The following CEP63 variants were observed in gnomAD, a reference collection of about 807,000 sequenced individuals.
The protein encoded by CEP63 is centrosomal protein 63.
Under a neutral mutation model 89.1 loss-of-function variants are expected in CEP63, and 84 were observed. The ratio of observed to expected loss-of-function variants is 0.94; its 90% CI spans 0.79 to 1.13. The LOEUF is 1.13. CEP63 is among the 50% of genes most tolerant of loss of function. CEP63 has a pLI of 0.00. For missense variants in CEP63, 838 were observed against 813.3 expected (o/e 1.03, Z -0.37); for synonymous variants, 267 against 272.5 (o/e 0.98, Z 0.20).
At chr3:134,536,003 T>A (rs553093728) in intron 5 of CEP63, 7 of 152,356 alleles carry the variant, frequency 4.6e-5, no homozygotes, top group African/African-American at 1.4e-4. Context: ...GCCACACCAA[T>A]TTCCTTTCTC....
chr3:134,671,446 A>G, the CEP63 span, among the ~76,000 whole-genome samples: 1 of 152,238 alleles, frequency 6.6e-6, no homozygotes, highest in Non-Finnish European at 1.5e-5. Flanking sequence ...ACTGCAATAT[A>G]CCCATGTAAC....
chr3:134,672,590 CT>C, the CEP63 span, among the ~76,000 whole-genome samples: 1,956 of 152,348 alleles, frequency 0.013, 42 homozygotes, highest in African/African-American at 0.044. Context: ...CAAAAGGCAG[CT>C]GATTTTGCAC....
At chr3:134,578,723 G>A (rs1958277794), downstream of CEP63, among the ~76,000 whole-genome samples, 1 of 152,146 alleles carries the variant, frequency 6.6e-6, no homozygotes, top group African/African-American at 2.4e-5. Flanking sequence ...TTTGAGAAGT[G>A]TCTGTTCATA....
chr3:134,723,786 G>A, the CEP63 span, among the ~76,000 whole-genome samples: 1 of 152,234 alleles, frequency 6.6e-6, no homozygotes, highest in Admixed American at 6.5e-5. Context: ...CACCAGCACA[G>A]TGGTCCTCTG....
chr3:134,765,220 A>G, the CEP63 span, among the ~76,000 whole-genome samples: 1 of 152,258 alleles, frequency 6.6e-6, no homozygotes, highest in Non-Finnish European at 1.5e-5. Flanking sequence ...TAATTAGAAT[A>G]TAGGCTAATG....
At chr3:134,592,469 GGTGTGTGTGTGTGTGT>G (rs34973626), downstream of CEP63, among the ~76,000 whole-genome samples, 40 of 125,198 alleles carry the variant, frequency 3.2e-4, 1 homozygote, top group African/African-American at 9.7e-4. Context: ...TCTGCAAACT[GGTGTGTGTGTGTGTGT>G]GTGTGTGTGT....
intron 12 of CEP63, among the ~76,000 whole-genome samples, chr3:134,555,572 T>G (rs1955972902): frequency 6.6e-6 from 1 of 151,870 alleles, no homozygotes; most frequent in Non-Finnish European, 1.5e-5. Context: ...ACAAGGGATG[T>G]GAAGGACCTC....
chr3:134,567,345 A>G (rs925380656), downstream of CEP63, among the ~76,000 whole-genome samples: 1 of 151,858 alleles, frequency 6.6e-6, no homozygotes, highest in Non-Finnish European at 1.5e-5. Context: ...TTGAGATGAA[A>G]ATGTTCTAAA....
intron 1 of CEP63, among the ~76,000 whole-genome samples, chr3:134,494,617 A>C (rs1160926068): frequency 1.3e-5 from 2 of 152,130 alleles, no homozygotes; most frequent in Non-Finnish European, 2.9e-5. Flanking sequence ...GAGATGAATA[A>C]AATTGGGTTT....
At chr3:134,741,033 G>A in the CEP63 span, among the ~76,000 whole-genome samples, 1 of 152,142 alleles carries the variant, frequency 6.6e-6, no homozygotes, top group Non-Finnish European at 1.5e-5. Context: ...TGGTGGGAGG[G>A]GTGGGGGAGT....
Position 134,500,332 on chromosome 3 carries a change from C to T in CEP63, c.44+4968C>T, listed in dbSNP as rs145303077. The stretch of plus-strand genomic sequence containing the variant: ...TGTATATGTACTACATTTTCTTTAT[C>T]CAGTCCACCATCAATGGGTACATAG... On this transcript the variant is annotated intron_variant, in intron 2 of 14. Transcript: ENST00000675561. Among the ~76,000 whole-genome samples the T allele has an allele frequency of 5.9e-3, 905 of 152,220 alleles. 22 individuals are homozygous for T. In the South Asian group the frequency reaches 0.074, roughly 12 times the overall value.
chr3:134,697,239 A>G, the CEP63 span, among the ~76,000 whole-genome samples: 1 of 152,200 alleles, frequency 6.6e-6, no homozygotes, highest in East Asian at 1.9e-4. Flanking sequence ...TCAAGGACAG[A>G]TGTGTAGAGG....
intron 6 of CEP63, among the ~76,000 whole-genome samples, chr3:134,540,589 GACTTTCCCCACTTTT>G (rs1312013795): frequency 1.3e-5 from 2 of 151,592 alleles, no homozygotes; most frequent in African/African-American, 4.8e-5. Flanking sequence ...TATTTCTTTT[GACTTTCCCCACTTTT>G]AGGCTTGTCT....
At chr3:134,604,037 G>A in the CEP63 span, 24 of 1,613,878 alleles carry the variant, frequency 1.5e-5, no homozygotes, top group Middle Eastern at 1.6e-4. Context: ...AAGATGTAGC[G>A]CCGCTGTGTC....
the CEP63 span, among the ~76,000 whole-genome samples, chr3:134,626,485 C>G: frequency 0.64 from 96,930 of 152,038 alleles, 31,567 homozygotes; most frequent in East Asian, 0.88. Flanking sequence ...AGGGTGCAGG[C>G]TGTGGGGCTC....
At chr3:134,644,121 G>A in the CEP63 span, among the ~76,000 whole-genome samples, 1 of 152,114 alleles carries the variant, frequency 6.6e-6, no homozygotes, top group African/African-American at 2.4e-5. Context: ...CACCGCGCCC[G>A]GCCGAGCCTC....
rs761730966 is a variant in CEP63 at position 134,546,191 on chromosome 3, T to C, written c.832T>C (p.Ser278Pro). ...EKRELKAALQ[S>P]QENLIHEARI... ...GAGAGAATTGAAGGCAGCTCTTCAGTCTCAAGAAAATCTCATACATGAGGC... is the reference window on the plus strand; with the variant it reads ...GAGAGAATTGAAGGCAGCTCTTCAGCCTCAAGAAAATCTCATACATGAGGC... The change falls in exon 8 of 15, where the codon TCT (serine) becomes CCT (proline). Residue 278 changes from serine (S) to proline (P), a missense_variant. By Grantham distance (74) the Ser-to-Pro change is moderately conservative. Transcript: ENST00000675561. The C allele has an allele frequency of 6.2e-6, 10 of 1,613,912 alleles. No homozygotes were observed. Among genetic ancestry groups the C allele is most frequent in the Non-Finnish European group, 8.5e-6 (10 of 1,179,922 alleles).
At chr3:134,560,852 T>G (rs913959840) in intron 14 of CEP63, among the ~76,000 whole-genome samples, 8 of 152,330 alleles carry the variant, frequency 5.3e-5, no homozygotes, top group African/African-American at 1.9e-4. Flanking sequence ...CTATTGTGAA[T>G]GAGTATTGAC....
the CEP63 span, among the ~76,000 whole-genome samples, chr3:134,770,426 A>G: frequency 7.1e-4 from 108 of 152,362 alleles, no homozygotes; most frequent in African/African-American, 2.5e-3. Context: ...GATTGCACAA[A>G]TAATTTAGAG....
Sources: gnomAD v4.1 joint callset for allele counts (sites outside exome capture counted in the v4.1 genomes callset) on GRCh38, gnomAD v4.1.1 for gene constraint, MANE v1.5 for transcripts, NCBI Gene and HGNC (gene_info 2026-07-23, HGNC 2026-07-21) for gene names.